DIAPH3: variants seen among roughly 807,000 people sequenced by gnomAD.
DIAPH3 encodes the protein diaphanous related formin 3, also known as protein diaphanous homolog 3.
Under a neutral mutation model 144.3 loss-of-function variants are expected in DIAPH3, and 117 were observed. The observed-to-expected ratio is 0.81, with a 90% CI of 0.70 to 0.95. The LOEUF (loss-of-function observed/expected upper bound fraction) is 0.95, where lower values mean the gene tolerates loss of function less well. DIAPH3 is among the 40% of genes least tolerant of loss of function. The pLI, the probability that DIAPH3 is intolerant of heterozygous loss-of-function variation, is 0.00. For missense variants in DIAPH3, 1,421 were observed against 1,412.7 expected (o/e 1.01, Z -0.09); for synonymous variants, 519 against 488.9 (o/e 1.06, Z -0.81).
intron 12 of DIAPH3, among the ~76,000 whole-genome samples, chr13:59,989,759 T>TA (rs1193534895): frequency 6.6e-6 from 1 of 151,898 alleles, no homozygotes; most frequent in Non-Finnish European, 1.5e-5. Flanking sequence ...TGAAGCTAGA[T>TA]ACAACCACAT....
At chr13:60,009,919 CTGA>C (rs1258567521) in intron 8 of DIAPH3, among the ~76,000 whole-genome samples, 1 of 152,032 alleles carries the variant, frequency 6.6e-6, no homozygotes, top group Non-Finnish European at 1.5e-5. Flanking sequence ...TAAATGCTTC[CTGA>C]TAATTAGAAC....
chr13:59,780,805 T>C (rs1483939673), intron 25 of DIAPH3, among the ~76,000 whole-genome samples: 1 of 152,120 alleles, frequency 6.6e-6, no homozygotes, highest in Non-Finnish European at 1.5e-5. Context: ...GATTGGAAAA[T>C]ATAATGAGTT....
In DIAPH3 at chr13:59,987,389, T is replaced by A. The variant is rs552239694; in HGVS notation, c.1362-3502A>T. On this transcript the variant is annotated intron_variant, in intron 12 of 27. Transcript: ENST00000400324. ...TACCTAAGGCTAGATGACGAGTTAGTGGGTGCAGCGCACCAGCATGGCACA... is the reference window on the plus strand; with the variant it reads ...TACCTAAGGCTAGATGACGAGTTAGAGGGTGCAGCGCACCAGCATGGCACA... Among the ~76,000 whole-genome samples the A allele has an allele frequency of 2.7e-5, 4 of 147,200 alleles. No individual in the cohort carries two copies. In the South Asian group the frequency reaches 8.6e-4, roughly 31 times the overall value.
At chr13:59,753,842 A>G (rs1319471818) in intron 27 of DIAPH3, among the ~76,000 whole-genome samples, 1 of 152,224 alleles carries the variant, frequency 6.6e-6, no homozygotes, top group Non-Finnish European at 1.5e-5. Context: ...TCACAAAAAC[A>G]GCGTTAGCTT....
Position 60,042,840 on chromosome 13 carries a change from A to C in DIAPH3, c.496-20T>G. 1 of 1,612,152 alleles carries C rather than the reference A, an allele frequency of 6.2e-7. No individual in the cohort carries two copies. Among genetic ancestry groups the C allele is most frequent in the Non-Finnish European group, 8.5e-7 (1 of 1,178,716 alleles). Reference sequence around the variant, plus strand: ...ACTTCCCTATAAAATAAGTCAAAAAATGTTTTGATTAATACTGCATGGAGA... The same window carrying C: ...ACTTCCCTATAAAATAAGTCAAAAACTGTTTTGATTAATACTGCATGGAGA... On this transcript the variant is annotated intron_variant, in intron 4 of 27. Transcript: ENST00000400324.
At chr13:59,716,101 A>G (rs2035038509) in intron 27 of DIAPH3, among the ~76,000 whole-genome samples, 1 of 152,218 alleles carries the variant, frequency 6.6e-6, no homozygotes, top group Non-Finnish European at 1.5e-5. Flanking sequence ...ACTATTTTTA[A>G]GTTAAAATGC....
intron 4 of DIAPH3, among the ~76,000 whole-genome samples, chr13:60,066,536 C>T (rs1015110511): frequency 6.6e-6 from 1 of 152,124 alleles, no homozygotes; most frequent in Admixed American, 6.6e-5. Flanking sequence ...TGCAATGTCA[C>T]TGAATGCAAA....
At chr13:59,974,215 AAC>A (rs967712928) in intron 15 of DIAPH3, 135 bp downstream of exon 15, 13 of 707,694 alleles carry the variant, frequency 1.8e-5, no homozygotes, top group Middle Eastern at 3.0e-4. Flanking sequence ...AAAATAGCAA[AAC>A]ACAGTACAAA....
chr13:59,954,390 G>T (rs527942344), intron 17 of DIAPH3, among the ~76,000 whole-genome samples: 1 of 152,014 alleles, frequency 6.6e-6, no homozygotes, highest in Non-Finnish European at 1.5e-5. Flanking sequence ...AGCTGCTCTG[G>T]CCTTATAACC....
chr13:59,964,912 T>C (rs2049965777), intron 17 of DIAPH3, among the ~76,000 whole-genome samples: 1 of 152,190 alleles, frequency 6.6e-6, no homozygotes, highest in Non-Finnish European at 1.5e-5. Flanking sequence ...AACTTTACTA[T>C]CTATAAAACA....
intron 17 of DIAPH3, among the ~76,000 whole-genome samples, chr13:59,952,472 C>T (rs981561086): frequency 4.6e-5 from 7 of 152,118 alleles, no homozygotes; most frequent in Non-Finnish European, 8.8e-5. Context: ...CTATTAATTG[C>T]TCCTGGTTTG....
intron 17 of DIAPH3, among the ~76,000 whole-genome samples, chr13:59,948,244 TTA>T (rs2048902707): frequency 6.6e-6 from 1 of 152,208 alleles, no homozygotes; most frequent in African/African-American, 2.4e-5. Flanking sequence ...AGAATCTTGT[TTA>T]TTTTCCATTA....
At chr13:60,050,447 CA>C (rs1188283509) in intron 4 of DIAPH3, among the ~76,000 whole-genome samples, 1 of 152,134 alleles carries the variant, frequency 6.6e-6, no homozygotes, top group Non-Finnish European at 1.5e-5. Flanking sequence ...TGAAAAACTA[CA>C]GCCTGAGTGT....
intron 27 of DIAPH3, among the ~76,000 whole-genome samples, chr13:59,702,174 G>T (rs1327940986): frequency 3.3e-5 from 5 of 151,942 alleles, no homozygotes; most frequent in Non-Finnish European, 5.9e-5. Flanking sequence ...CTTTAATTAG[G>T]AAGATGATAT....
chr13:60,005,664 G>A (rs1274487493), intron 9 of DIAPH3, among the ~76,000 whole-genome samples: 3 of 151,970 alleles, frequency 2.0e-5, no homozygotes, highest in African/African-American at 7.3e-5. Flanking sequence ...TGTATTTTTA[G>A]TAGAGACGGG....
At chr13:59,816,893 C>T (rs925148502) in intron 24 of DIAPH3, among the ~76,000 whole-genome samples, 79 of 151,692 alleles carry the variant, frequency 5.2e-4, no homozygotes, top group African/African-American at 1.9e-3. Flanking sequence ...AAATTTATAC[C>T]ATTTTTACTG....
chr13:60,059,067 T>A (rs1055739951), intron 4 of DIAPH3, among the ~76,000 whole-genome samples: 1 of 151,808 alleles, frequency 6.6e-6, no homozygotes, highest in Non-Finnish European at 1.5e-5. Context: ...TGTTAATATG[T>A]ATAAAAAGTA....
chr13:59,935,979 T>C (rs2048244510), intron 17 of DIAPH3, among the ~76,000 whole-genome samples: 1 of 152,222 alleles, frequency 6.6e-6, no homozygotes, highest in South Asian at 2.1e-4. Flanking sequence ...TCTCTTTCTG[T>C]GACATTCTGT....
In DIAPH3 at chr13:60,148,306, A is replaced by G. The variant is rs1336976707; in HGVS notation, c.180+15281T>C. Among the ~76,000 whole-genome samples, 74 of 152,246 alleles carry G rather than the reference A, an allele frequency of 4.9e-4. 1 individual carries two copies. The highest frequency in any genetic ancestry group is 2.9e-5 in the Non-Finnish European group (2 of 68,046). On this transcript the variant is annotated intron_variant, in intron 1 of 27. Coordinates refer to ENST00000400324, the MANE Select transcript of DIAPH3 (RefSeq NM_001042517.2). Reference sequence around the variant, plus strand: ...AAAGATGGAGTTTTAAGAAGTCATCAGCTTCTAAATCTGAGCTGTCCAATA... The same window carrying G: ...AAAGATGGAGTTTTAAGAAGTCATCGGCTTCTAAATCTGAGCTGTCCAATA...
Sources: gnomAD v4.1 joint callset for allele counts (sites outside exome capture counted in the v4.1 genomes callset) on GRCh38, gnomAD v4.1.1 for gene constraint, MANE v1.5 for transcripts, NCBI Gene and HGNC (gene_info 2026-07-23, HGNC 2026-07-21) for gene names.